The following GPATCH2 variants were observed in gnomAD, a reference collection of about 807,000 sequenced individuals.
GPATCH2 encodes the protein G patch domain-containing protein 2.
Under a neutral mutation model 58.0 loss-of-function variants are expected in GPATCH2, and 51 were observed. The ratio of observed to expected loss-of-function variants is 0.88; its 90% CI spans 0.70 to 1.11. GPATCH2 has a LOEUF of 1.11. Among genes scored for constraint, GPATCH2 ranks in the 50% most tolerant of loss-of-function variants. The pLI is 0.00. For missense variants in GPATCH2, 625 were observed against 652.2 expected, an observed-to-expected ratio of 0.96 and a Z score of 0.45; for synonymous variants, 222 against 218.5, an observed-to-expected ratio of 1.02 and a Z score of -0.14.
intron 5 of GPATCH2, among the ~76,000 whole-genome samples, chr1:217,540,964 A>G (rs962087461): frequency 1.3e-5 from 2 of 152,230 alleles, no homozygotes; most frequent in Non-Finnish European, 2.9e-5. Context: ...ATGAGAGTAC[A>G]TAAGAGCCAG....
chr1:217,611,453 G>A (rs559927413), intron 3 of GPATCH2, among the ~76,000 whole-genome samples: 10 of 152,172 alleles, frequency 6.6e-5, no homozygotes, highest in African/African-American at 2.4e-4. Flanking sequence ...AAAATATTAT[G>A]TTTTAGAACC....
chr1:217,454,457 T>C (rs534575073), intron 8 of GPATCH2, among the ~76,000 whole-genome samples: 36 of 151,570 alleles, frequency 2.4e-4, no homozygotes, highest in East Asian at 5.9e-4. Context: ...GGCGTGGTGG[T>C]GGGCGCCTGT....
chr1:217,596,120 GAGTATCTTTAC>G (rs1667816639), intron 5 of GPATCH2, among the ~76,000 whole-genome samples: 1 of 151,898 alleles, frequency 6.6e-6, no homozygotes, highest in African/African-American at 2.4e-5. Flanking sequence ...GAAGGATGAA[GAGTATCTTTAC>G]ATTATGAAAA....
intron 5 of GPATCH2, among the ~76,000 whole-genome samples, chr1:217,570,450 C>A (rs1366011808): frequency 1.3e-5 from 2 of 152,244 alleles, no homozygotes; most frequent in Middle Eastern, 3.4e-3. Flanking sequence ...CGTGTTTGTT[C>A]CTGTTTTCTT....
At chr1:217,568,995 T>C (rs1032562229) in intron 5 of GPATCH2, among the ~76,000 whole-genome samples, 2 of 152,100 alleles carry the variant, frequency 1.3e-5, no homozygotes, top group Non-Finnish European at 2.9e-5. Flanking sequence ...ATAGATCCAC[T>C]AGGATTTACT....
At chr1:217,550,522 T>C (rs1272804205) in intron 5 of GPATCH2, among the ~76,000 whole-genome samples, 2 of 152,044 alleles carry the variant, frequency 1.3e-5, no homozygotes, top group African/African-American at 4.8e-5. Context: ...TCATCATTAA[T>C]TAAAATTATT....
At chr1:217,452,613 C>T (rs903440668) in intron 8 of GPATCH2, among the ~76,000 whole-genome samples, 1 of 152,042 alleles carries the variant, frequency 6.6e-6, no homozygotes, top group Non-Finnish European at 1.5e-5. Context: ...ATTATGTAGG[C>T]CTATTTACAA....
At chr1:217,513,886 GC>G (rs1662981202) in intron 6 of GPATCH2, among the ~76,000 whole-genome samples, 1 of 150,474 alleles carries the variant, frequency 6.6e-6, no homozygotes, top group Non-Finnish European at 1.5e-5. Context: ...ATGCAGTGGA[GC>G]GATCTCGGCT....
chr1:217,498,469 G>A, intron 6 of GPATCH2, 74 bp from the exon 7 acceptor site: 1 of 1,096,390 alleles, frequency 9.1e-7, no homozygotes. Flanking sequence ...CGAGCCGCAT[G>A]TGCTTTAAGA....
chr1:217,582,993 C>A (rs1342648647), intron 5 of GPATCH2, among the ~76,000 whole-genome samples: 4 of 152,116 alleles, frequency 2.6e-5, no homozygotes, highest in Non-Finnish European at 2.9e-5. Context: ...TTTTAAGTCT[C>A]CTAAACTCCA....
intron 5 of GPATCH2, among the ~76,000 whole-genome samples, chr1:217,575,804 T>C (rs1666777157): frequency 6.6e-6 from 1 of 152,166 alleles, no homozygotes; most frequent in Admixed American, 6.5e-5. Context: ...TAAGTCCCTA[T>C]AAAAGTTCAT....
chr1:217,442,375 A>G (rs1322978566), intron 9 of GPATCH2, among the ~76,000 whole-genome samples: 1 of 152,172 alleles, frequency 6.6e-6, no homozygotes, highest in Non-Finnish European at 1.5e-5. Context: ...TAGCATTAGG[A>G]GAAATACATA....
intron 5 of GPATCH2, among the ~76,000 whole-genome samples, chr1:217,554,653 C>A (rs913709667): frequency 6.6e-6 from 1 of 152,284 alleles, no homozygotes; most frequent in East Asian, 1.9e-4. Flanking sequence ...AGAAGTCAAA[C>A]TAGTCTAACT....
Position 217,573,350 on chromosome 1 carries a change from G to GA in GPATCH2, c.1098+36970dup, listed in dbSNP as rs929589847. Among the ~76,000 whole-genome samples, 208 of 148,854 alleles carry GA rather than the reference G, an allele frequency of 1.4e-3. 1 individual carries two copies. Among genetic ancestry groups the GA allele is most frequent in the African/African-American group, 1.6e-3 (64 of 40,718 alleles). ...GCATTAAAATAATTGTGCTCACTTG[G>GA]AAAAAAAAAATCAAAATACAGTAAC... On this transcript the variant is annotated intron_variant, in intron 5 of 9. Coordinates refer to ENST00000366935, the MANE Select transcript of GPATCH2 (RefSeq NM_018040.5).
intron 5 of GPATCH2, among the ~76,000 whole-genome samples, chr1:217,524,045 C>G (rs1558456656): frequency 1.3e-5 from 2 of 148,800 alleles, no homozygotes; most frequent in African/African-American, 5.0e-5. Flanking sequence ...TGCCCCTCAC[C>G]TCCCGGATGG....
chr1:217,630,799 G>T (rs1315320121), intron 1 of GPATCH2, 117 bp downstream of exon 1: 2 of 720,234 alleles, frequency 2.8e-6, no homozygotes, highest in Admixed American at 5.0e-5. Context: ...GCAAGGCCTA[G>T]ATGTCTTCAG....
chr1:217,474,504 G>A (rs1480318429), intron 8 of GPATCH2, among the ~76,000 whole-genome samples: 2 of 152,208 alleles, frequency 1.3e-5, no homozygotes, highest in Non-Finnish European at 2.9e-5. Context: ...ATTACAGTAA[G>A]TGGCATTGGT....
chr1:217,469,342 T>G (rs1161364021), intron 8 of GPATCH2, among the ~76,000 whole-genome samples: 2 of 152,156 alleles, frequency 1.3e-5, no homozygotes, highest in Non-Finnish European at 2.9e-5. Flanking sequence ...TTATGTTAAT[T>G]TAGTGTAATA....
intron 8 of GPATCH2, among the ~76,000 whole-genome samples, chr1:217,461,007 G>A (rs1015127555): frequency 1.3e-4 from 20 of 152,132 alleles, no homozygotes; most frequent in African/African-American, 4.3e-4. Flanking sequence ...TTTGCTTGTC[G>A]TGCAAAGTAA....
Sources: gnomAD v4.1 joint callset for allele counts (sites outside exome capture counted in the v4.1 genomes callset) on GRCh38, gnomAD v4.1.1 for gene constraint, MANE v1.5 for transcripts, NCBI Gene and HGNC (gene_info 2026-07-23, HGNC 2026-07-21) for gene names.